ANKRD11: variants seen among roughly 807,000 people sequenced by gnomAD.
ANKRD11 encodes ankyrin repeat domain 11.
A neutral mutation model predicts 195.7 loss-of-function variants in ANKRD11; 17 were observed. The ratio of observed to expected loss-of-function variants is 0.09; its 90% CI spans 0.06 to 0.13. The LOEUF is 0.13. Among genes scored for constraint, ANKRD11 ranks in the 10% least tolerant of loss-of-function variants. ANKRD11 has a pLI of 1.00. For missense variants in ANKRD11, 3,735 were observed against 3,566.1 expected (o/e 1.05, Z -1.21); for synonymous variants, 1,953 against 1,528.1 (o/e 1.28, Z -6.49).
chr16:89,378,964 G>A (rs1258610676), intron 2 of ANKRD11, among the ~76,000 whole-genome samples: 1 of 152,218 alleles, frequency 6.6e-6, no homozygotes, highest in African/African-American at 2.4e-5. Flanking sequence ...GACCTTTTTG[G>A]GTCAAGGTTC....
chr16:89,311,859 T>C (rs1025331655), intron 3 of ANKRD11, among the ~76,000 whole-genome samples: 1 of 152,166 alleles, frequency 6.6e-6, no homozygotes, highest in African/African-American at 2.4e-5. Context: ...TTTTGCTTTA[T>C]TCTAATAATG....
In ANKRD11 at chr16:89,291,537, CA is replaced by C. The variant is rs2035064895; in HGVS notation, c.227-355del. The C allele has an allele frequency of 1.5e-6, 1 of 674,360 alleles. No homozygotes were observed. The highest frequency in any genetic ancestry group is 1.5e-5 in the South Asian group (1 of 67,032). 41.8% of individuals were successfully genotyped at this position (674,360 alleles called of 1,614,324 possible). A position where few individuals can be genotyped will look rare whatever the true frequency, so the allele number is the denominator to read the frequency against. ...ACAGCTTAGCACCGGTGACCTGGCT[CA>C]CACAGGACAGGTCTCTGTTCAATAC... On this transcript the variant is annotated intron_variant, in intron 4 of 12. Transcript: ENST00000301030. This position sits in a 1 kb window ranked among gnomAD's most constrained non-coding sequence, Gnocchi z 5.3.
intron 1 of ANKRD11, among the ~76,000 whole-genome samples, chr16:89,445,811 C>G (rs1276239686): frequency 1.3e-5 from 2 of 151,832 alleles, no homozygotes; most frequent in Non-Finnish European, 2.9e-5. Flanking sequence ...CCCGTCTCTA[C>G]TAAAAATACA....
intron 2 of ANKRD11, among the ~76,000 whole-genome samples, chr16:89,364,034 C>T (rs1250630216): frequency 6.6e-6 from 1 of 152,032 alleles, no homozygotes; most frequent in Non-Finnish European, 1.5e-5. Flanking sequence ...CACTGCATTC[C>T]TGCCCAGCCG....
intron 2 of ANKRD11, among the ~76,000 whole-genome samples, chr16:89,398,616 C>A (rs1005499790): frequency 6.6e-6 from 1 of 152,068 alleles, no homozygotes; most frequent in Non-Finnish European, 1.5e-5. Flanking sequence ...TTGGCACCTG[C>A]CTGTGGTTTC....
intron 2 of ANKRD11, among the ~76,000 whole-genome samples, chr16:89,379,785 A>T (rs1393474540): frequency 1.3e-5 from 2 of 152,266 alleles, no homozygotes; most frequent in African/African-American, 2.4e-5. Context: ...CGGGCAAAGA[A>T]GATGTCAGCT....
At chr16:89,319,143 G>A (rs72803338) in intron 2 of ANKRD11, among the ~76,000 whole-genome samples, 7,850 of 152,302 alleles carry the variant, frequency 0.052, 311 homozygotes, top group East Asian at 0.1. Context: ...ACCATGTAGA[G>A]TCCACCGTCC....
At position 89,280,573 on chromosome 16, in the gene ANKRD11, G is replaced by T. The variant is rs1168044416; in HGVS notation, c.5969C>A (p.Ser1990Tyr). Residue 1990 changes from serine (S) to tyrosine (Y), a missense_variant, in exon 9 of 13, where the codon TCC (serine) becomes TAC (tyrosine). Ser to Tyr is a moderately radical substitution (Grantham distance 144). Coordinates refer to ENST00000301030, the MANE Select transcript of ANKRD11 (RefSeq NM_013275.6). ...GTCCGCGGGGCAGAAACGCTTTGGG[G>T]ACTCGGGGAATCTCTGTGGAGACTT... is the stretch of plus-strand genomic sequence containing the variant. ...LLKSPQRFPE[S>Y]PKRFCPADPL... The T allele has an allele frequency of 6.2e-7, 1 of 1,613,388 alleles. No homozygotes were observed. Among genetic ancestry groups the T allele is most frequent in the East Asian group, 2.2e-5 (1 of 44,874 alleles).
chr16:89,360,483 C>T (rs929361994), intron 2 of ANKRD11: 17 of 152,160 alleles, frequency 1.1e-4, no homozygotes, highest in African/African-American at 3.9e-4. Context: ...TACCACAAAT[C>T]CTACAAAATT....
intron 2 of ANKRD11, among the ~76,000 whole-genome samples, chr16:89,379,216 C>T (rs2040544908): frequency 2.0e-5 from 3 of 152,362 alleles, no homozygotes; most frequent in African/African-American, 7.2e-5. Context: ...AAGGGGTGCA[C>T]ACCGTCTGTA....
chr16:89,424,058 G>A (rs2042620287), intron 1 of ANKRD11, among the ~76,000 whole-genome samples: 1 of 152,056 alleles, frequency 6.6e-6, no homozygotes, highest in South Asian at 2.1e-4. Context: ...TGAGGAACTG[G>A]GGGAGGGACT....
chr16:89,365,279 C>A (rs1172564896), intron 2 of ANKRD11, among the ~76,000 whole-genome samples: 4 of 152,200 alleles, frequency 2.6e-5, no homozygotes. Flanking sequence ...CATCTTATCA[C>A]GTAGTCTAAA....
At chr16:89,389,722 G>C (rs1188256404) in intron 2 of ANKRD11, among the ~76,000 whole-genome samples, 1 of 151,794 alleles carries the variant, frequency 6.6e-6, no homozygotes, top group African/African-American at 2.4e-5. Flanking sequence ...CGAGAGAGAA[G>C]ATCACTGGGG....
chr16:89,278,158 C>G (rs1431140702), intron 9 of ANKRD11: 2 of 283,174 alleles, frequency 7.1e-6, no homozygotes, highest in South Asian at 3.3e-5. Flanking sequence ...AGAGCCAGAA[C>G]GCCACACGCT....
At position 89,490,433 on chromosome 16, in the gene ANKRD11, C is replaced by A. The variant is rs2057791340; in HGVS notation, c.-333G>T. On this transcript the variant is annotated 5_prime_UTR_variant, in exon 1 of 13. Transcript: ENST00000301030. The stretch of plus-strand genomic sequence containing the variant: ...GGCGAGCCCGCCCCTCGGGCGCGCC[C>A]ACGGCTCGGGCGAGAGCCGCGGCTC... 3.0e-6 allele frequency: 1 copy of A among 332,370 alleles called. No homozygotes were observed. The highest frequency in any genetic ancestry group is 4.9e-5 in the Admixed American group (1 of 20,296). 20.6% of individuals were successfully genotyped at this position (332,370 alleles called of 1,614,324 possible).
At chr16:89,480,880 G>C (rs1160102227) in intron 1 of ANKRD11, among the ~76,000 whole-genome samples, 1 of 152,102 alleles carries the variant, frequency 6.6e-6, no homozygotes. Context: ...GAATTCCCCA[G>C]ATAGCCATTT....
At chr16:89,472,618 A>G (rs1490023194) in intron 1 of ANKRD11, among the ~76,000 whole-genome samples, 1 of 152,160 alleles carries the variant, frequency 6.6e-6, no homozygotes, top group East Asian at 1.9e-4. Context: ...CTCCCATTCC[A>G]CTGCGCCCAG....
intron 2 of ANKRD11, among the ~76,000 whole-genome samples, chr16:89,349,341 G>C (rs1042609101): frequency 1.3e-5 from 2 of 151,512 alleles, no homozygotes; most frequent in African/African-American, 4.9e-5. Context: ...TTAGCCGGGC[G>C]TGGTGGCGGG....
intron 1 of ANKRD11, among the ~76,000 whole-genome samples, chr16:89,489,854 G>A (rs1386703763): frequency 8.6e-6 from 1 of 116,532 alleles, no homozygotes; most frequent in Non-Finnish European, 1.8e-5. Context: ...CCGCCCCGGA[G>A]CCCCCAATCG....
Sources: gnomAD v4.1 joint callset for allele counts (sites outside exome capture counted in the v4.1 genomes callset) on GRCh38, gnomAD v4.1.1 for gene constraint, Gnocchi (gnomAD v3.1) non-coding constraint, MANE v1.5 for transcripts, NCBI Gene and HGNC (gene_info 2026-07-23, HGNC 2026-07-21) for gene names.